Variants in ATE1 observed in about 807,000 individuals in gnomAD.
The protein encoded by ATE1 is arginyl-tRNA--protein transferase 1.
Under a neutral mutation model 70.5 loss-of-function variants are expected in ATE1, and 36 were observed. The ratio of observed to expected loss-of-function variants is 0.51; its 90% CI spans 0.39 to 0.67. The LOEUF (loss-of-function observed/expected upper bound fraction) is 0.67. Ranked by LOEUF, ATE1 falls within the 30% of genes least tolerant of loss-of-function variation. The pLI is 0.00. For synonymous variants in ATE1, 232 were observed against 219.3 expected (o/e 1.06, Z -0.51); for missense variants, 593 against 629.5 (o/e 0.94, Z 0.62).
chr10:121,897,267 T>C (rs1283819286), intron 7 of ATE1, among the ~76,000 whole-genome samples: 1 of 152,096 alleles, frequency 6.6e-6, no homozygotes, highest in East Asian at 1.9e-4. Flanking sequence ...CTTGAATAAA[T>C]ACACCGGGCC....
chr10:121,895,636 G>C (rs1181994682), intron 7 of ATE1, among the ~76,000 whole-genome samples: 5 of 151,788 alleles, frequency 3.3e-5, no homozygotes, highest in Non-Finnish European at 7.4e-5. Flanking sequence ...TTCCATCAAT[G>C]GATGAGTGGA....
At chr10:121,923,153 A>G (rs2134618858) in intron 2 of ATE1, among the ~76,000 whole-genome samples, 1 of 152,288 alleles carries the variant, frequency 6.6e-6, no homozygotes, top group African/African-American at 2.4e-5. Flanking sequence ...CTCTCTTACC[A>G]TAAAATCCTT....
chr10:121,741,022 C>T lies in ATE1; in HGVS notation c.*2658G>A, dbSNP rs894296504. The T allele has an allele frequency of 6.6e-6, 1 of 152,130 alleles. No individual in the cohort carries two copies. Among genetic ancestry groups the T allele is most frequent in the African/African-American group, 2.4e-5 (1 of 41,440 alleles). The allele number at this position is 152,130 out of a possible 1,614,324, so 9.4% of individuals were successfully genotyped here. On this transcript the variant is annotated 3_prime_UTR_variant, in exon 12 of 12. Coordinates refer to ENST00000224652, the MANE Select transcript of ATE1 (RefSeq NM_001001976.3). ...TGAAATTACATCTTTGCTCCCAAAA[C>T]AGGAAGGCAGGTGTGATGTATTTGA...
intron 7 of ATE1, among the ~76,000 whole-genome samples, chr10:121,883,962 G>A (rs550587495): frequency 8.2e-4 from 125 of 151,764 alleles, no homozygotes; most frequent in African/African-American, 2.4e-3. Flanking sequence ...AAAATTAGCC[G>A]GGCGGTAGTG....
chr10:121,743,919 T>TTG lies in ATE1; in HGVS notation c.1379-62_1379-61insCA, dbSNP rs575650308. ...ACATATCAAAACTTTTTGTTTCCTTTTTTTTTTTTTTTTTTTTTTTGAGAC... is the reference window on the plus strand; with the variant it reads ...ACATATCAAAACTTTTTGTTTCCTTTTGTTTTTTTTTTTTTTTTTTTTGAGAC... On this transcript the variant is annotated intron_variant, in intron 11 of 11. Coordinates refer to ENST00000224652, the MANE Select transcript of ATE1 (RefSeq NM_001001976.3). 1,012 of 820,932 alleles carry TTG rather than the reference T, an allele frequency of 1.2e-3. 6 individuals carry two copies. In the East Asian group the frequency reaches 0.017, roughly 14 times the overall value. 50.9% of individuals were successfully genotyped at this position (820,932 alleles called of 1,614,324 possible).
At chr10:121,914,278 G>A (rs188046146) in intron 3 of ATE1, among the ~76,000 whole-genome samples, 1 of 152,058 alleles carries the variant, frequency 6.6e-6, no homozygotes, top group East Asian at 1.9e-4. Flanking sequence ...TGTTGGTCAG[G>A]CTGGTCTCAA....
chr10:121,824,624 T>C (rs1947933151), intron 10 of ATE1, among the ~76,000 whole-genome samples: 1 of 152,198 alleles, frequency 6.6e-6, no homozygotes, highest in Admixed American at 6.5e-5. Flanking sequence ...TTCAGAACTC[T>C]TTCTGATGTT....
chr10:121,905,823 G>A (rs547765412), intron 5 of ATE1, among the ~76,000 whole-genome samples: 1 of 149,596 alleles, frequency 6.7e-6, no homozygotes, highest in African/African-American at 2.5e-5. Flanking sequence ...CCAGGCCTAA[G>A]CAACACAGCG....
chr10:121,911,786 G>A (rs1318331751), intron 4 of ATE1, among the ~76,000 whole-genome samples: 2 of 151,618 alleles, frequency 1.3e-5, no homozygotes, highest in African/African-American at 4.9e-5. Flanking sequence ...TCCCTCTGTC[G>A]CCCAGGCTGC....
chr10:121,884,715 T>C (rs569065943), intron 7 of ATE1, among the ~76,000 whole-genome samples: 33 of 152,314 alleles, frequency 2.2e-4, no homozygotes, highest in African/African-American at 7.7e-4. Flanking sequence ...AAAAGGAACA[T>C]GCTTGAGATA....
At chr10:121,818,069 G>A (rs1365424707) in intron 10 of ATE1, among the ~76,000 whole-genome samples, 1 of 151,890 alleles carries the variant, frequency 6.6e-6, no homozygotes, top group African/African-American at 2.4e-5. Flanking sequence ...TTCAAGACCA[G>A]CCTGGGCAAC....
chr10:121,780,042 A>G (rs937105569), intron 11 of ATE1, among the ~76,000 whole-genome samples: 3 of 152,164 alleles, frequency 2.0e-5, no homozygotes, highest in Non-Finnish European at 2.9e-5. Context: ...TCACTCCAGA[A>G]GGCAATCTCA....
intron 7 of ATE1, among the ~76,000 whole-genome samples, chr10:121,878,254 A>G (rs1049054683): frequency 2.6e-5 from 4 of 152,158 alleles, no homozygotes; most frequent in African/African-American, 7.2e-5. Context: ...GCATGCTGAA[A>G]ATGTTCTCTC....
intron 11 of ATE1, among the ~76,000 whole-genome samples, chr10:121,776,668 G>C (rs1404590761): frequency 6.6e-6 from 1 of 152,228 alleles, no homozygotes; most frequent in East Asian, 1.9e-4. Flanking sequence ...AAAACTACCA[G>C]AGTGTACCAC....
At chr10:121,847,591 G>C (rs1023078715) in intron 8 of ATE1, among the ~76,000 whole-genome samples, 5 of 150,452 alleles carry the variant, frequency 3.3e-5, no homozygotes, top group Non-Finnish European at 5.9e-5. Flanking sequence ...AACCCTGTCT[G>C]TACTAAAAAT....
intron 8 of ATE1, among the ~76,000 whole-genome samples, chr10:121,864,007 T>C (rs1036736519): frequency 6.6e-6 from 1 of 152,238 alleles, no homozygotes; most frequent in Non-Finnish European, 1.5e-5. Context: ...TTTCCTTTTA[T>C]CTAGCCTGAC....
chr10:121,880,099 T>A (rs192312198), intron 7 of ATE1, among the ~76,000 whole-genome samples: 44 of 152,316 alleles, frequency 2.9e-4, no homozygotes, highest in African/African-American at 1.1e-3. Context: ...TTTAATGCCA[T>A]CTGGTCAAAG....
chr10:121,898,757 C>A, intron 7 of ATE1: 1 of 1,502,018 alleles, frequency 6.7e-7, no homozygotes, highest in Non-Finnish European at 9.0e-7. Context: ...AAAGGGTCAT[C>A]AGCTCCACCT....
At chr10:121,794,725 T>C (rs1590320717) in intron 10 of ATE1, among the ~76,000 whole-genome samples, 1 of 115,560 alleles carries the variant, frequency 8.7e-6, no homozygotes, top group Non-Finnish European at 1.8e-5. Flanking sequence ...ACCTTAAACA[T>C]ACGAATGGCC....
Sources: allele counts gnomAD v4.1 joint callset (sites outside exome capture counted in the v4.1 genomes callset), GRCh38; gene constraint gnomAD v4.1.1; transcripts MANE v1.5; gene names NCBI Gene and HGNC (gene_info 2026-07-23, HGNC 2026-07-21).